Variants in KLF8 observed in about 807,000 individuals in gnomAD.
KLF8 encodes the protein Krueppel-like factor 8.
Under a neutral mutation model 18.2 loss-of-function variants are expected in KLF8, and 10 were observed. The observed-to-expected ratio is 0.55, with a 90% CI of 0.34 to 0.93. The LOEUF is 0.93. Among genes scored for constraint, KLF8 ranks in the 40% least tolerant of loss-of-function variants. The probability of loss-of-function intolerance (pLI) is 0.02; values close to 1 mark genes in which losing one functional copy is unlikely to be tolerated. For missense variants in KLF8, 264 were observed against 277.9 expected (o/e 0.95, Z 0.36); for synonymous variants, 109 against 97.3 (o/e 1.12, Z -0.71).
chrX:56,152,616 G>A, the KLF8 span, among the ~76,000 whole-genome samples: 1 of 111,331 alleles, frequency 9.0e-6, no homozygotes, highest in Admixed American at 9.6e-5. Context: ...AGAGGAAGCT[G>A]TGTGGAAATA....
the KLF8 span, among the ~76,000 whole-genome samples, chrX:56,178,452 T>C: frequency 8.9e-6 from 1 of 112,265 alleles, no homozygotes; most frequent in South Asian, 3.7e-4. Context: ...ACTCTGATGG[T>C]AGTTTGTTTT....
chrX:56,104,828 T>C, the KLF8 span, among the ~76,000 whole-genome samples: 6 of 111,795 alleles, frequency 5.4e-5, no homozygotes, highest in African/African-American at 2.0e-4. Context: ...TTTAGATCTT[T>C]CCTGCTTTCC....
the KLF8 span, among the ~76,000 whole-genome samples, chrX:56,059,042 T>C: frequency 2.7e-5 from 3 of 112,196 alleles, no homozygotes; most frequent in Non-Finnish European, 5.6e-5. Flanking sequence ...ATGATCATCA[T>C]TCTAACTTGC....
chrX:55,992,636 A>G, the KLF8 span, among the ~76,000 whole-genome samples: 2 of 112,258 alleles, frequency 1.8e-5, no homozygotes, highest in Non-Finnish European at 3.8e-5. Context: ...TCTGTAAAGA[A>G]TGTCATTGGT....
intron 5 of KLF8, among the ~76,000 whole-genome samples, chrX:56,282,574 G>A: frequency 8.9e-6 from 1 of 112,015 alleles, no homozygotes; most frequent in South Asian, 3.8e-4. Flanking sequence ...GGTAGGTGGT[G>A]TGTAGTAAGT....
chrX:56,173,196 T>A, the KLF8 span, among the ~76,000 whole-genome samples: 7 of 111,963 alleles, frequency 6.3e-5, no homozygotes, highest in Non-Finnish European at 1.1e-4. Context: ...CGGAATGATA[T>A]GGCCTAGGTT....
rs749923638 is a variant in KLF8, at chrX:56,285,807, A to G, written c.*1313A>G. Reference sequence around the variant, plus strand: ...AATCCTCTGTTCCTGGCCCTGGACCACAGATCTACCTCCACATGGCATATT... The same window carrying G: ...AATCCTCTGTTCCTGGCCCTGGACCGCAGATCTACCTCCACATGGCATATT... On this transcript the variant is annotated 3_prime_UTR_variant, in exon 6 of 6. Coordinates refer to ENST00000468660, the MANE Select transcript of KLF8 (RefSeq NM_007250.5). 9.0e-6 allele frequency: 1 copy of G among 111,689 alleles called. No individual in the cohort carries two copies. Among genetic ancestry groups the G allele is most frequent in the Non-Finnish European group, 1.9e-5 (1 of 53,123 alleles). The allele number at this position is 111,689 out of a possible 1,213,427, so 9.2% of individuals were successfully genotyped here.
chrX:56,012,124 A>G, the KLF8 span, among the ~76,000 whole-genome samples: 3 of 112,140 alleles, frequency 2.7e-5, no homozygotes, highest in East Asian at 5.6e-4. Flanking sequence ...TCATCCTGAT[A>G]CCAAAACCTA....
the KLF8 span, among the ~76,000 whole-genome samples, chrX:55,918,636 C>A: frequency 1.8e-5 from 2 of 112,164 alleles, no homozygotes; most frequent in African/African-American, 6.5e-5. Flanking sequence ...TTCCTGGTCT[C>A]TTTCAGCTTC....
the KLF8 span, among the ~76,000 whole-genome samples, chrX:56,099,895 CTGATGTAGAAACTGCAGGAAA>C: frequency 1.8e-5 from 2 of 112,152 alleles, no homozygotes; most frequent in African/African-American, 6.5e-5. Flanking sequence ...GCAGCAAGTG[CTGATGTAGAAACTGCAGGAAA>C]TTATCCAGAA....
chrX:56,087,150 G>A, the KLF8 span, among the ~76,000 whole-genome samples: 9 of 111,360 alleles, frequency 8.1e-5, no homozygotes, highest in Non-Finnish European at 1.7e-4. Context: ...CAAGATTAGG[G>A]AAGTTTGGCT....
At chrX:55,985,208 G>A in the KLF8 span, among the ~76,000 whole-genome samples, 1 of 111,730 alleles carries the variant, frequency 9.0e-6, no homozygotes, top group East Asian at 2.8e-4. Flanking sequence ...CTGTGCCTAT[G>A]TCCTGAATGG....
At chrX:55,994,112 G>A in the KLF8 span, among the ~76,000 whole-genome samples, 20 of 109,548 alleles carry the variant, frequency 1.8e-4, no homozygotes, top group African/African-American at 4.0e-4. Flanking sequence ...GGGTTTCACC[G>A]CGTTAGCCAG....
chrX:56,174,884 A>G, the KLF8 span, among the ~76,000 whole-genome samples: 1 of 111,847 alleles, frequency 8.9e-6, no homozygotes, highest in Non-Finnish European at 1.9e-5. Flanking sequence ...TTATTTGCAT[A>G]GATGTGTTTA....
the KLF8 span, among the ~76,000 whole-genome samples, chrX:56,087,302 C>T: frequency 1.8e-5 from 2 of 110,687 alleles, no homozygotes; most frequent in Non-Finnish European, 3.8e-5. Context: ...GGAGGTGGGG[C>T]CTGGTGAGAG....
chrX:56,254,556 A>C (rs1182520351), intron 2 of KLF8, among the ~76,000 whole-genome samples: 1 of 111,865 alleles, frequency 8.9e-6, no homozygotes, highest in Non-Finnish European at 1.9e-5. Flanking sequence ...CTTGTCTGGC[A>C]TCCAGGAGGA....
At chrX:56,025,645 G>T in the KLF8 span, among the ~76,000 whole-genome samples, 1 of 111,190 alleles carries the variant, frequency 9.0e-6, no homozygotes, top group Non-Finnish European at 1.9e-5. Flanking sequence ...TACATGTTTG[G>T]GGACCCCTCT....
the KLF8 span, among the ~76,000 whole-genome samples, chrX:56,005,163 C>T: frequency 0.086 from 9,457 of 110,090 alleles, 998 homozygotes; most frequent in African/African-American, 0.3. Flanking sequence ...CTGCCTCAGC[C>T]TCCAGAGTAG....
At chrX:56,197,413 T>C in the KLF8 span, among the ~76,000 whole-genome samples, 13 of 111,541 alleles carry the variant, frequency 1.2e-4, no homozygotes, top group South Asian at 4.8e-3. Context: ...GATATCAACA[T>C]TGATCTCACA....
Sources: allele counts gnomAD v4.1 joint callset (sites outside exome capture counted in the v4.1 genomes callset), GRCh38; gene constraint gnomAD v4.1.1; transcripts MANE v1.5; gene names NCBI Gene and HGNC (gene_info 2026-07-23, HGNC 2026-07-21).